Variants in CDHR2 observed in about 807,000 individuals in gnomAD.
CDHR2 encodes cadherin-related family member 2.
In CDHR2, 104 loss-of-function variants were observed where a neutral mutation model predicts 138.6. The ratio of observed to expected loss-of-function variants is 0.75; its 90% confidence interval spans 0.64 to 0.88. The LOEUF (loss-of-function observed/expected upper bound fraction) is 0.88, where lower values mean the gene tolerates loss of function less well. CDHR2 is among the 40% of genes least tolerant of loss of function. The pLI is 0.00. For missense variants in CDHR2, 1,624 were observed against 1,727.6 expected (o/e 0.94, Z 1.06); for synonymous variants, 755 against 742.8 (o/e 1.02, Z -0.27).
At chr5:176,558,990 G>T (rs1264443941) in intron 1 of CDHR2, among the ~76,000 whole-genome samples, 2 of 152,196 alleles carry the variant, frequency 1.3e-5, no homozygotes, top group Non-Finnish European at 2.9e-5. Flanking sequence ...TAAAAGATTA[G>T]CGGTTGGACA....
intron 1 of CDHR2, among the ~76,000 whole-genome samples, chr5:176,552,277 A>T (rs1018323477): frequency 1.3e-5 from 2 of 152,244 alleles, no homozygotes; most frequent in Non-Finnish European, 2.9e-5. Context: ...TCCACAGCTG[A>T]TCTGGGCCTT....
At chr5:176,564,440 G>A (rs1038572796) in intron 1 of CDHR2, among the ~76,000 whole-genome samples, 6 of 152,110 alleles carry the variant, frequency 3.9e-5, no homozygotes, top group Admixed American at 1.3e-4. Flanking sequence ...CGCCCGCCTC[G>A]GCCTCCCGAA....
At chr5:176,556,939 T>G in intron 1 of CDHR2, 1 of 107,122 alleles carries the variant, frequency 9.3e-6, no homozygotes, top group African/African-American at 3.6e-5. Context: ...CCTCCTCCCC[T>G]CCCTCCCCTT....
At chr5:176,580,836 C>T (rs903309616) in intron 16 of CDHR2, among the ~76,000 whole-genome samples, 1 of 152,046 alleles carries the variant, frequency 6.6e-6, no homozygotes, top group Non-Finnish European at 1.5e-5. Flanking sequence ...AGAGAGATCG[C>T]ACCATTGCAC....
intron 16 of CDHR2, among the ~76,000 whole-genome samples, chr5:176,580,081 T>C (rs563926054): frequency 5.3e-5 from 8 of 152,078 alleles, no homozygotes; most frequent in African/African-American, 1.9e-4. Flanking sequence ...AAACCAAGCA[T>C]GCCTTCAGGG....
chr5:176,577,656 T>C lies in CDHR2; in HGVS notation c.1370T>C (p.Val457Ala), dbSNP rs1286440443. 2.0e-5 allele frequency: 33 copies of C among 1,614,070 alleles called. No individual in the cohort carries two copies. Among genetic ancestry groups the C allele is most frequent in the Non-Finnish European group, 2.7e-5 (32 of 1,180,030 alleles). ...CCCCAGGTTGTGGCCACAGACTCCG[T>C]CAGCCAGAACTTCTCCGTCGCCATG... ...MAVQVVATDS[V>A]SQNFSVAMVT... The change falls in exon 14 of 32, where the codon GTC (valine) becomes GCC (alanine). Residue 457 changes from valine (V) to alanine (A), a missense_variant. Transcript: ENST00000261944.
upstream of CDHR2, among the ~76,000 whole-genome samples, chr5:176,546,366 T>A (rs533749482): frequency 2.0e-5 from 3 of 152,270 alleles, no homozygotes; most frequent in South Asian, 6.2e-4. Flanking sequence ...AATGAGGTGA[T>A]ATTAGTAATG....
chr5:176,575,549 G>C lies in CDHR2; in HGVS notation c.812G>C (p.Gly271Ala). ...GTGGAGGCTGTGGATGGCGACAAAG[G>C]CATCAATGACCCTGTGATCTACAGC... The part of the protein sequence containing the change: ...LTVEAVDGDK[G>A]INDPVIYSIS... Residue 271 changes from glycine (G) to alanine (A), a missense_variant, in exon 10 of 32, where the codon GGC (glycine) becomes GCC (alanine). Physicochemically the swap from Gly to Ala is moderately conservative, Grantham distance 60 (BLOSUM62 0). Coordinates refer to ENST00000261944, the MANE Select transcript of CDHR2 (RefSeq NM_017675.6). The C allele has an allele frequency of 6.2e-7, 1 of 1,614,164 alleles. No homozygotes were observed. Among genetic ancestry groups the C allele is most frequent in the Non-Finnish European group, 8.5e-7 (1 of 1,180,020 alleles).
chr5:176,566,185 G>A (rs1399980139), intron 3 of CDHR2, among the ~76,000 whole-genome samples: 1 of 151,936 alleles, frequency 6.6e-6, no homozygotes, highest in Non-Finnish European at 1.5e-5. Context: ...TATTTGTAAA[G>A]TTACTTTCTG....
chr5:176,565,728 G>T lies in CDHR2; in HGVS notation c.109G>T (p.Glu37Ter). ...CAACATGACGTCAGTGATCCTGCCT[G>T]AGGACCTGCCTGTGGGTGAGTCCCG... ...LANMTSVILP[E>*]DLPVGAQAFW... The change falls in exon 3 of 32, where the codon GAG becomes TAG. Residue 37 changes from glutamate to a stop codon, truncating the protein, a stop_gained. Coordinates refer to ENST00000261944, the MANE Select transcript of CDHR2 (RefSeq NM_017675.6). LOFTEE classifies it high-confidence loss of function. 1 of 1,613,880 alleles carries T rather than the reference G, an allele frequency of 6.2e-7. No homozygotes were observed. Among genetic ancestry groups the T allele is most frequent in the East Asian group, 2.2e-5 (1 of 44,862 alleles).
rs1758053806 is a variant in CDHR2 at position 176,565,293 on chromosome 5, A to G, written c.-15-45A>G. On this transcript the variant is annotated intron_variant, in intron 1 of 31. Coordinates refer to ENST00000261944, the MANE Select transcript of CDHR2 (RefSeq NM_017675.6). ...AGGCAGATGGGAGTCTGCCAAAAGG[A>G]GGGAGGCCTGAGTCCAGGAGCCATT... 5 of 1,420,592 alleles carry G rather than the reference A, an allele frequency of 3.5e-6. No individual in the cohort carries two copies. The East Asian group carries it at 9.1e-5, about 26-fold the overall frequency. The allele number at this position is 1,420,592 out of a possible 1,614,324, so 88.0% of individuals were successfully genotyped here. A position where few individuals can be genotyped will look rare whatever the true frequency, so the allele number is the denominator to read the frequency against.
chr5:176,578,281 A>G, intron 15 of CDHR2, 84 bp from the exon 16 acceptor site: 1 of 1,374,392 alleles, frequency 7.3e-7, no homozygotes, highest in South Asian at 1.2e-5. Flanking sequence ...GGATATGCTG[A>G]AATATTTGTT....
intron 16 of CDHR2, among the ~76,000 whole-genome samples, chr5:176,580,960 C>T (rs1160220602): frequency 6.8e-6 from 1 of 146,754 alleles, no homozygotes; most frequent in Non-Finnish European, 1.5e-5. Context: ...CTGGACTTCA[C>T]ACTTATGAGT....
Position 176,575,715 on chromosome 5 carries a change from C to A in CDHR2, c.845-9C>A. On this transcript the variant is annotated splice_polypyrimidine_tract_variant and intron_variant, in intron 10 of 31. Coordinates refer to ENST00000261944, the MANE Select transcript of CDHR2 (RefSeq NM_017675.6). ...GCTGTTCCAGCTGTTCCGCCTTTCT[C>A]CTTGCCAGACTCCACGCGGCCCGGC... 6.3e-7 allele frequency: 1 copy of A among 1,586,586 alleles called. No homozygotes were observed. Among genetic ancestry groups the A allele is most frequent in the East Asian group, 2.3e-5 (1 of 42,944 alleles).
intron 28 of CDHR2, 54 bp downstream of exon 28, chr5:176,590,741 A>G: frequency 6.2e-7 from 1 of 1,609,894 alleles, no homozygotes. Context: ...CCACCACCCA[A>G]GACGTCGGGG....
chr5:176,593,627 C>G (rs58421484), intron 31 of CDHR2, among the ~76,000 whole-genome samples: 205 of 152,316 alleles, frequency 1.3e-3, no homozygotes, highest in African/African-American at 4.7e-3. Context: ...GGCTGAGGTT[C>G]TGTGTGTGGT....
chr5:176,589,542 C>T lies in CDHR2; in HGVS notation c.3132C>T (p.Asp1044=), dbSNP rs376460474. 3.7e-6 allele frequency: 6 copies of T among 1,613,998 alleles called. No homozygotes were observed. In the African/African-American group the frequency reaches 4.0e-5, roughly 11 times the overall value. ...ATTTLNLFTV[D]QSYRSRLQFS... ...CCCCTTCCCAGCTCTTCACCGTGGA[C>T]CAGAGTTACCGCTCGCGGCTGCAGT... Residue 1044 remains aspartate (D), a synonymous_variant, in exon 24 of 32, where the codon GAC becomes GAT. Transcript: ENST00000261944.
chr5:176,577,258 C>A, intron 12 of CDHR2, 141 bp from the exon 13 acceptor site: 1 of 909,978 alleles, frequency 1.1e-6, no homozygotes, highest in Non-Finnish European at 1.7e-6. Flanking sequence ...CTCCTGCACC[C>A]TCTCTCGCAG....
chr5:176,561,262 T>C (rs6869071), intron 1 of CDHR2, among the ~76,000 whole-genome samples: 143,731 of 152,154 alleles, frequency 0.94, 68,392 homozygotes, highest in East Asian at 1. Flanking sequence ...CCCAAGGTTA[T>C]GCTGGATTTG....
Sources: gnomAD v4.1 joint callset for allele counts (sites outside exome capture counted in the v4.1 genomes callset) on GRCh38, gnomAD v4.1.1 for gene constraint, MANE v1.5 for transcripts, NCBI Gene and HGNC (gene_info 2026-07-23, HGNC 2026-07-21) for gene names.